CLASP2: variants seen among roughly 807,000 people sequenced by gnomAD.
The protein encoded by CLASP2 is CLIP-associating protein 2.
In CLASP2, 47 loss-of-function variants were observed where a neutral mutation model predicts 194.4. That is an observed-to-expected ratio of 0.24 (90% CI 0.19 to 0.31). CLASP2 has a LOEUF of 0.31. Among genes scored for constraint, CLASP2 ranks in the 10% least tolerant of loss-of-function variants. The pLI is 1.00. For synonymous variants in CLASP2, 619 were observed against 633.5 expected, an observed-to-expected ratio of 0.98 and a Z score of 0.34; for missense variants, 1,445 against 1,823.6, an observed-to-expected ratio of 0.79 and a Z score of 3.78.
intron 1 of CLASP2, among the ~76,000 whole-genome samples, chr3:33,703,516 TAC>T (rs2092504328): frequency 6.6e-6 from 1 of 152,202 alleles, no homozygotes. Flanking sequence ...TGCAAAACAG[TAC>T]AGTTATTTTG....
intron 11 of CLASP2, among the ~76,000 whole-genome samples, chr3:33,620,735 C>T (rs920456799): frequency 6.6e-6 from 1 of 152,116 alleles, no homozygotes; most frequent in Non-Finnish European, 1.5e-5. Context: ...AGTTGCCTTA[C>T]TTTAGAGCTG....
chr3:33,537,957 C>T (rs905841550), intron 33 of CLASP2, among the ~76,000 whole-genome samples: 2 of 152,086 alleles, frequency 1.3e-5, no homozygotes, highest in East Asian at 3.9e-4. Context: ...CTGGCTAACA[C>T]GGTGAAACCT....
At position 33,509,345 on chromosome 3, in the gene CLASP2, T is replaced by G. The variant is rs529847140; in HGVS notation, c.4317+1213A>C. Among the ~76,000 whole-genome samples the G allele has an allele frequency of 3.3e-5, 5 of 152,296 alleles. No individual in the cohort carries two copies. The South Asian group carries it at 1.0e-3, about 32-fold the overall frequency. ...AATTCTCCTGCCTCAGCCTCCCGAG[T>G]AGCTGGGATTACGGCATGTGCCAAC... On this transcript the variant is annotated intron_variant, in intron 37 of 38. Transcript: ENST00000682230.
At chr3:33,607,734 A>G (rs1358074076) in intron 14 of CLASP2, among the ~76,000 whole-genome samples, 2 of 152,190 alleles carry the variant, frequency 1.3e-5, no homozygotes, top group South Asian at 2.1e-4. Flanking sequence ...ATAAATACAT[A>G]GTACCTAAAT....
chr3:33,708,524 GTATA>G lies in CLASP2; in HGVS notation c.195+9280_195+9283del, dbSNP rs1313224061. On this transcript the variant is annotated intron_variant, in intron 1 of 38. Coordinates refer to ENST00000682230, the MANE Select transcript of CLASP2 (RefSeq NM_001365631.1). ...TATATATGTATATATATGTATATAT[GTATA>G]TATATATGTATATATGTATATATAT... is the stretch of plus-strand genomic sequence containing the variant. 1.3e-3 allele frequency among the ~76,000 whole-genome samples: 126 copies of G among 100,152 alleles called. 1 individual carries two copies. The highest frequency in any genetic ancestry group is 4.9e-3 in the African/African-American group (116 of 23,702). 65.7% of individuals were successfully genotyped at this position (100,152 alleles called of 152,430 possible).
intron 12 of CLASP2, among the ~76,000 whole-genome samples, chr3:33,617,366 C>A (rs1397703275): frequency 2.0e-5 from 3 of 152,014 alleles, no homozygotes; most frequent in African/African-American, 7.2e-5. Context: ...CATTGTAATT[C>A]ACCACACGCT....
intron 34 of CLASP2, among the ~76,000 whole-genome samples, chr3:33,525,072 A>G (rs2054155144): frequency 6.6e-6 from 1 of 152,240 alleles, no homozygotes; most frequent in African/African-American, 2.4e-5. Flanking sequence ...TATAAAACAT[A>G]GTATCTTCTC....
At chr3:33,648,145 A>G (rs2082594718) in intron 7 of CLASP2, among the ~76,000 whole-genome samples, 1 of 152,204 alleles carries the variant, frequency 6.6e-6, no homozygotes, top group Admixed American at 6.5e-5. Context: ...TGGATACGAT[A>G]GAAAATAAAA....
chr3:33,706,159 G>C lies in CLASP2; in HGVS notation c.196-9226C>G, dbSNP rs144757174. Among the ~76,000 whole-genome samples the C allele has an allele frequency of 1.4e-4, 21 of 152,034 alleles. No individual in the cohort carries two copies. The East Asian group carries it at 2.7e-3, about 20-fold the overall frequency. ...GTTGCTGGGGAGGCTGAGGTGGAAG[G>C]ATCACCTGAGCCCGGGACGTCAAGT... On this transcript the variant is annotated intron_variant, in intron 1 of 38. Transcript: ENST00000682230.
chr3:33,688,504 T>C, intron 3 of CLASP2, 136 bp from the exon 4 acceptor site: 1 of 670,224 alleles, frequency 1.5e-6, no homozygotes, highest in East Asian at 2.9e-5. Context: ...ATTTCTCCAC[T>C]ACTTACAAGT....
chr3:33,582,774 A>G (rs2066441756), intron 22 of CLASP2, among the ~76,000 whole-genome samples: 1 of 152,194 alleles, frequency 6.6e-6, no homozygotes, highest in African/African-American at 2.4e-5. Flanking sequence ...AACAATAAAC[A>G]GGGGTGAAGA....
chr3:33,569,977 C>G (rs898963223), intron 26 of CLASP2, among the ~76,000 whole-genome samples: 2 of 152,086 alleles, frequency 1.3e-5, no homozygotes, highest in African/African-American at 4.8e-5. Flanking sequence ...TAATATTTTT[C>G]TTATTTCCTT....
intron 23 of CLASP2, chr3:33,576,519 T>G (rs1031926772): frequency 4.8e-5 from 20 of 419,566 alleles, no homozygotes; most frequent in Non-Finnish European, 7.9e-5. Context: ...AACCACAAGG[T>G]AGAAGGAAGC....
intron 3 of CLASP2, 94 bp from the exon 4 acceptor site, chr3:33,688,462 G>A (rs983813445): frequency 1.1e-5 from 10 of 900,424 alleles, no homozygotes; most frequent in African/African-American, 6.9e-5. Context: ...CAACCTTATC[G>A]GTAACTGAAT....
At chr3:33,642,259 C>T (rs1324246685) in intron 8 of CLASP2, among the ~76,000 whole-genome samples, 1 of 151,776 alleles carries the variant, frequency 6.6e-6, no homozygotes, top group Non-Finnish European at 1.5e-5. Flanking sequence ...TAAAAGAATG[C>T]TGACACGGTT....
Position 33,622,115 on chromosome 3 carries a change from C to A in CLASP2, c.1181+20G>T, listed in dbSNP as rs1577335256. The A allele has an allele frequency of 6.8e-7, 1 of 1,477,862 alleles. No homozygotes were observed. Among genetic ancestry groups the A allele is most frequent in the Non-Finnish European group, 9.1e-7 (1 of 1,102,248 alleles). The allele number at this position is 1,477,862 out of a possible 1,614,324, so 91.5% of individuals were successfully genotyped here. A position where few individuals can be genotyped will look rare whatever the true frequency, so the allele number is the denominator to read the frequency against. The stretch of plus-strand genomic sequence containing the variant: ...AAATTCATTCATAAAAAACACTTAT[C>A]ATAAAAGGAATATACTTACGCTACA... On this transcript the variant is annotated intron_variant, in intron 11 of 38. Coordinates refer to ENST00000682230, the MANE Select transcript of CLASP2 (RefSeq NM_001365631.1).
chr3:33,576,416 G>A, intron 23 of CLASP2, 141 bp from the exon 24 acceptor site: 1 of 579,444 alleles, frequency 1.7e-6, no homozygotes, highest in East Asian at 3.0e-5. Flanking sequence ...TGTATTTTCT[G>A]GGCACATTTA....
At chr3:33,691,944 T>A (rs1195622533) in intron 2 of CLASP2, among the ~76,000 whole-genome samples, 1 of 152,156 alleles carries the variant, frequency 6.6e-6, no homozygotes, top group Non-Finnish European at 1.5e-5. Flanking sequence ...CCAAGGCAAG[T>A]GGATCACTTG....
chr3:33,564,615 G>C (rs113394150), intron 27 of CLASP2, among the ~76,000 whole-genome samples: 3 of 152,128 alleles, frequency 2.0e-5, no homozygotes, highest in African/African-American at 7.2e-5. Flanking sequence ...TTTTGAGACA[G>C]AGTCTCACTC....
Sources: gnomAD v4.1 joint callset for allele counts (sites outside exome capture counted in the v4.1 genomes callset) on GRCh38, gnomAD v4.1.1 for gene constraint, MANE v1.5 for transcripts, NCBI Gene and HGNC (gene_info 2026-07-23, HGNC 2026-07-21) for gene names.